The following KLRG1 variants were observed in gnomAD, a reference collection of about 807,000 sequenced individuals.
KLRG1 encodes killer cell lectin-like receptor subfamily G member 1.
A neutral mutation model predicts 21.8 loss-of-function variants in KLRG1; 16 were observed. That is an observed-to-expected ratio of 0.73 (90% CI 0.50 to 1.11). KLRG1 has a LOEUF of 1.11. KLRG1 is among the 50% of genes most tolerant of loss of function. The pLI is 0.00. For missense variants in KLRG1, 173 were observed against 218.3 expected, an observed-to-expected ratio of 0.79 and a Z score of 1.31; for synonymous variants, 69 against 75.9, an observed-to-expected ratio of 0.91 and a Z score of 0.47.
upstream of KLRG1, among the ~76,000 whole-genome samples, chr12:8,989,282 C>T (rs3026254): frequency 5.9e-3 from 904 of 152,182 alleles, 8 homozygotes; most frequent in African/African-American, 0.02. Context: ...GAAAAAATTC[C>T]GAGAGAAATT....
At chr12:9,118,856 T>G in the KLRG1 span, among the ~76,000 whole-genome samples, 1 of 152,290 alleles carries the variant, frequency 6.6e-6, no homozygotes, top group South Asian at 2.1e-4. Flanking sequence ...TTTATCAGTT[T>G]ATTGGGCAAG....
downstream of KLRG1, among the ~76,000 whole-genome samples, chr12:9,012,925 C>A (rs1947652365): frequency 6.6e-6 from 1 of 152,178 alleles, no homozygotes; most frequent in African/African-American, 2.4e-5. Flanking sequence ...GGCTTCAGGT[C>A]TGACCTAGTG....
the KLRG1 span, chr12:9,079,650 T>C: frequency 2.5e-6 from 4 of 1,613,008 alleles, no homozygotes; most frequent in East Asian, 4.5e-5. Context: ...AGTGTTGAGA[T>C]AGCCAATGGC....
At chr12:9,131,924 G>A in the KLRG1 span, among the ~76,000 whole-genome samples, 3 of 152,048 alleles carry the variant, frequency 2.0e-5, no homozygotes, top group Non-Finnish European at 4.4e-5. Context: ...CTCTCTCTAG[G>A]CATCTTCAAA....
Position 9,010,091 on chromosome 12 carries a change from T to G in KLRG1, c.*554T>G, listed in dbSNP as rs1947599099. On this transcript the variant is annotated 3_prime_UTR_variant, in exon 5 of 5. Transcript: ENST00000356986. The stretch of plus-strand genomic sequence containing the variant: ...GTCCTAGCTATTTGGGAAGCTGAGG[T>G]GGGAGGGTCGCTTGAGCCCAGGAGT... 1 of 1,372,996 alleles carries G rather than the reference T, an allele frequency of 7.3e-7. No homozygotes were observed. Among genetic ancestry groups the G allele is most frequent in the Non-Finnish European group, 1.0e-6 (1 of 1,002,148 alleles). The allele number at this position is 1,372,996 out of a possible 1,614,324, so 85.1% of individuals were successfully genotyped here.
the KLRG1 span, among the ~76,000 whole-genome samples, chr12:9,134,292 A>G: frequency 6.6e-6 from 1 of 152,262 alleles, no homozygotes; most frequent in African/African-American, 2.4e-5. Flanking sequence ...GGAGGCTATA[A>G]TCCAGACCTC....
chr12:9,088,152 C>A, the KLRG1 span, among the ~76,000 whole-genome samples: 1 of 151,968 alleles, frequency 6.6e-6, no homozygotes, highest in Non-Finnish European at 1.5e-5. Flanking sequence ...AATCACACAT[C>A]CACAAACATA....
At chr12:9,027,668 T>A in the KLRG1 span, 2 of 966,272 alleles carry the variant, frequency 2.1e-6, no homozygotes, top group Non-Finnish European at 3.3e-6. Context: ...CCTTCATGGG[T>A]CCAAAATTTG....
the KLRG1 span, among the ~76,000 whole-genome samples, chr12:9,185,355 C>T: frequency 6.6e-6 from 1 of 151,956 alleles, no homozygotes; most frequent in Non-Finnish European, 1.5e-5. Context: ...TGACTTTCTG[C>T]AATACAACAG....
chr12:9,160,103 A>C, the KLRG1 span: 2 of 1,376,582 alleles, frequency 1.5e-6, no homozygotes, highest in Non-Finnish European at 1.0e-6. Context: ...TCATGCATCC[A>C]GGCGCCATGG....
At chr12:9,020,333 A>G in the KLRG1 span, among the ~76,000 whole-genome samples, 1 of 152,182 alleles carries the variant, frequency 6.6e-6, no homozygotes, top group Non-Finnish European at 1.5e-5. Context: ...CACCACCACA[A>G]TCAGCAGAGT....
At chr12:9,108,358 C>T in the KLRG1 span, among the ~76,000 whole-genome samples, 1 of 152,116 alleles carries the variant, frequency 6.6e-6, no homozygotes, top group African/African-American at 2.4e-5. Flanking sequence ...GATCTCCTGA[C>T]CTCGTGATCT....
the KLRG1 span, among the ~76,000 whole-genome samples, chr12:9,123,924 T>A: frequency 6.7e-6 from 1 of 148,258 alleles, no homozygotes; most frequent in South Asian, 2.1e-4. Flanking sequence ...CCAAAGACTA[T>A]TAGGGTTATG....
At chr12:9,046,459 A>G in the KLRG1 span, among the ~76,000 whole-genome samples, 1 of 152,234 alleles carries the variant, frequency 6.6e-6, no homozygotes, top group African/African-American at 2.4e-5. Context: ...GCATGTTATG[A>G]TCAAACTGCA....
chr12:9,020,549 T>C, the KLRG1 span, among the ~76,000 whole-genome samples: 1 of 152,198 alleles, frequency 6.6e-6, no homozygotes, highest in African/African-American at 2.4e-5. Context: ...CTTCTTTCAC[T>C]CAGCATAATT....
chr12:9,160,101 C>T, the KLRG1 span: 2 of 1,378,642 alleles, frequency 1.5e-6, no homozygotes, highest in Non-Finnish European at 2.0e-6. Context: ...GCTCATGCAT[C>T]CAGGCGCCAT....
At chr12:9,192,534 G>A in the KLRG1 span, 44 of 1,613,478 alleles carry the variant, frequency 2.7e-5, no homozygotes, top group Admixed American at 1.7e-4. Context: ...ACTGAGCTCC[G>A]ATAACTCTCC....
the KLRG1 span, chr12:9,115,827 T>C: frequency 1.2e-6 from 2 of 1,613,296 alleles, no homozygotes; most frequent in African/African-American, 2.7e-5. Flanking sequence ...CAGACTTGGA[T>C]GAAGGAGTTT....
the KLRG1 span, chr12:9,090,246 A>G: frequency 6.5e-7 from 1 of 1,533,324 alleles, no homozygotes; most frequent in Non-Finnish European, 9.0e-7. Flanking sequence ...AAGGAAAAAA[A>G]TCGCAGCATC....
Sources: allele counts gnomAD v4.1 joint callset (sites outside exome capture counted in the v4.1 genomes callset), GRCh38; gene constraint gnomAD v4.1.1; transcripts MANE v1.5; gene names NCBI Gene and HGNC (gene_info 2026-07-23, HGNC 2026-07-21).